The following PPP1R13B variants were observed in gnomAD, a reference collection of about 807,000 sequenced individuals.
The protein encoded by PPP1R13B is protein phosphatase 1 regulatory subunit 13B.
PPP1R13B carries 44 observed loss-of-function variants against 119.8 expected under a neutral mutation model. The observed-to-expected ratio is 0.37, with a 90% CI of 0.29 to 0.47. The LOEUF (loss-of-function observed/expected upper bound fraction) is 0.47. PPP1R13B is among the 20% of genes least tolerant of loss of function. The pLI is 0.99. For synonymous variants in PPP1R13B, 542 were observed against 561.5 expected (o/e 0.97, Z 0.49); for missense variants, 1,227 against 1,413.5 (o/e 0.87, Z 2.12).
chr14:103,793,560 C>G (rs2085681231), intron 2 of PPP1R13B, among the ~76,000 whole-genome samples: 1 of 152,182 alleles, frequency 6.6e-6, no homozygotes, highest in African/African-American at 2.4e-5. Context: ...ATAAATCATT[C>G]CATCTCTGGC....
In PPP1R13B at chr14:103,741,837, T is replaced by A; in HGVS notation, c.1775A>T (p.Asn592Ile). Residue 592 changes from asparagine (N) to isoleucine (I), a missense_variant, in exon 11 of 17, where the codon AAT becomes ATT. Physicochemically the swap from Asn to Ile is moderately radical, Grantham distance 149. Coordinates refer to ENST00000202556, the MANE Select transcript of PPP1R13B (RefSeq NM_015316.3). ...GGCGCTGTGTGCTGCCGGCTGGTAA[T>A]TCTTAGGTGGTGTGGCTTGCTGGAG... ...MYLQQATPPK[N>I]YQPAAHSALN... is the part of the protein sequence containing the mutation. The A allele has an allele frequency of 6.2e-7, 1 of 1,614,220 alleles. No individual in the cohort carries two copies.
At position 103,813,426 on chromosome 14, in the gene PPP1R13B, C is replaced by G. The variant is rs1013733915; in HGVS notation, c.10-15908G>C. On this transcript the variant is annotated intron_variant, in intron 1 of 16. Coordinates refer to ENST00000202556, the MANE Select transcript of PPP1R13B (RefSeq NM_015316.3). ...ATCTTGAATTGTAATACCCATGTGT[C>G]AAGGGGAGAACCAGGTGGACATAAT... 6.6e-5 allele frequency among the ~76,000 whole-genome samples: 10 copies of G among 152,148 alleles called. No homozygotes were observed. In the South Asian group the frequency reaches 2.1e-3, roughly 32 times the overall value.
chr14:103,747,921 G>A (rs956460244), intron 8 of PPP1R13B, among the ~76,000 whole-genome samples: 4 of 152,142 alleles, frequency 2.6e-5, no homozygotes, highest in African/African-American at 7.2e-5. Context: ...ACAGAGAGAC[G>A]CCCTGAGAAA....
At chr14:103,810,307 G>A (rs554957214) in intron 1 of PPP1R13B, among the ~76,000 whole-genome samples, 5 of 151,708 alleles carry the variant, frequency 3.3e-5, no homozygotes, top group Non-Finnish European at 7.4e-5. Flanking sequence ...CTATAATCCC[G>A]GCTACTCAGG....
At chr14:103,743,335 G>A (rs951592692) in intron 9 of PPP1R13B, among the ~76,000 whole-genome samples, 1 of 152,180 alleles carries the variant, frequency 6.6e-6, no homozygotes, top group Non-Finnish European at 1.5e-5. Flanking sequence ...ATCACAGGAG[G>A]CCCGTGCAGG....
At chr14:103,832,072 A>T (rs1439538622) in intron 1 of PPP1R13B, among the ~76,000 whole-genome samples, 1 of 151,984 alleles carries the variant, frequency 6.6e-6, no homozygotes, top group Non-Finnish European at 1.5e-5. Context: ...CTGTCACTGC[A>T]TTCCAGCCTG....
At chr14:103,783,371 T>C (rs2085380314) in intron 3 of PPP1R13B, among the ~76,000 whole-genome samples, 1 of 151,926 alleles carries the variant, frequency 6.6e-6, no homozygotes, top group Admixed American at 6.6e-5. Context: ...GCAATTTTTC[T>C]GCCTCAGCCT....
intron 4 of PPP1R13B, among the ~76,000 whole-genome samples, chr14:103,768,458 G>A (rs1157960695): frequency 2.6e-5 from 4 of 152,036 alleles, no homozygotes; most frequent in South Asian, 2.1e-4. Flanking sequence ...CACCACGCCC[G>A]GCTAATTTTT....
intron 8 of PPP1R13B, among the ~76,000 whole-genome samples, chr14:103,749,108 G>A (rs1409780953): frequency 6.6e-6 from 1 of 152,130 alleles, no homozygotes; most frequent in Non-Finnish European, 1.5e-5. Context: ...GTGGACGCTG[G>A]CAAGTCCAAA....
chr14:103,766,242 T>C (rs1416390014), intron 4 of PPP1R13B, among the ~76,000 whole-genome samples: 1 of 152,130 alleles, frequency 6.6e-6, no homozygotes, highest in Non-Finnish European at 1.5e-5. Flanking sequence ...TCTCCTGACC[T>C]CATGATCCAC....
At chr14:103,783,405 G>A (rs1171578434) in intron 3 of PPP1R13B, among the ~76,000 whole-genome samples, 3 of 151,564 alleles carry the variant, frequency 2.0e-5, no homozygotes, top group Admixed American at 1.3e-4. Context: ...GATTATAGGC[G>A]CACACCACCA....
In PPP1R13B at chr14:103,847,420, C is replaced by CTT. The variant is rs1323846535; in HGVS notation, c.-114_-113insAA. 2 of 1,024,614 alleles carry CTT rather than the reference C, an allele frequency of 2.0e-6. No individual in the cohort carries two copies. Among genetic ancestry groups the CTT allele is most frequent in the African/African-American group, 3.5e-5 (2 of 57,468 alleles). 63.5% of individuals were successfully genotyped at this position (1,024,614 alleles called of 1,614,324 possible). A position where few individuals can be genotyped will look rare whatever the true frequency, so the allele number is the denominator to read the frequency against. On this transcript the variant is annotated 5_prime_UTR_variant, in exon 1 of 17. Coordinates refer to ENST00000202556, the MANE Select transcript of PPP1R13B (RefSeq NM_015316.3). ...GCCGCGCTCCCGCCGCCGTGCTCTC[C>CTT]GGCCCGGCCGCGGCGAGGCGGCAGC... is the stretch of plus-strand genomic sequence containing the variant.
At chr14:103,841,159 C>A (rs1039774410) in intron 1 of PPP1R13B, among the ~76,000 whole-genome samples, 1 of 152,006 alleles carries the variant, frequency 6.6e-6, no homozygotes, top group Non-Finnish European at 1.5e-5. Context: ...GTGGTACATG[C>A]CTGTAATCCC....
At chr14:103,736,448 G>C in intron 15 of PPP1R13B, 1 of 577,186 alleles carries the variant, frequency 1.7e-6, no homozygotes, top group Non-Finnish European at 3.1e-6. Context: ...GGACAAACGA[G>C]CTCCTGAGCC....
In PPP1R13B at chr14:103,784,855, T is replaced by C. The variant is rs201819015; in HGVS notation, c.217A>G (p.Arg73Gly). Residue 73 changes from arginine (R) to glycine (G), a missense_variant, in exon 3 of 17, where the codon AGG becomes GGG. Physicochemically the swap from Arg to Gly is moderately radical, Grantham distance 125. Transcript: ENST00000202556. ...CGAAGGAAAAATTTCACTTCTTCCC[T>C]CCGTGGACCCCATTTCTGAAGATGT... ...YEHLQKWGPR[R>G]EEVKFFLRHE... is the part of the protein sequence containing the mutation. 3 of 1,607,770 alleles carry C rather than the reference T, an allele frequency of 1.9e-6. No homozygotes were observed. The highest frequency in any genetic ancestry group is 1.3e-5 in the African/African-American group (1 of 74,970).
intron 1 of PPP1R13B, among the ~76,000 whole-genome samples, chr14:103,823,236 G>A (rs2086453985): frequency 1.3e-5 from 2 of 152,034 alleles, no homozygotes; most frequent in East Asian, 3.9e-4. Flanking sequence ...CTACTTGGGA[G>A]GCTGAGGCAG....
chr14:103,833,221 C>T (rs2086698643), intron 1 of PPP1R13B, among the ~76,000 whole-genome samples: 1 of 152,094 alleles, frequency 6.6e-6, no homozygotes, highest in Non-Finnish European at 1.5e-5. Context: ...AGGTAATACA[C>T]TTCCCTCACA....
chr14:103,813,798 A>G (rs1421913698), intron 1 of PPP1R13B, among the ~76,000 whole-genome samples: 1 of 152,164 alleles, frequency 6.6e-6, no homozygotes, highest in African/African-American at 2.4e-5. Flanking sequence ...TGTAAAAGGT[A>G]TTTCTTAGTG....
intron 3 of PPP1R13B, among the ~76,000 whole-genome samples, chr14:103,779,501 T>G (rs2085289218): frequency 6.6e-6 from 1 of 151,322 alleles, no homozygotes; most frequent in African/African-American, 2.4e-5. Context: ...GTGGCTCATG[T>G]CTGTATTCCC....
Sources: allele counts gnomAD v4.1 joint callset (sites outside exome capture counted in the v4.1 genomes callset), GRCh38; gene constraint gnomAD v4.1.1; transcripts MANE v1.5; gene names NCBI Gene and HGNC (gene_info 2026-07-23, HGNC 2026-07-21).